Variants in UTRN observed in about 807,000 individuals in gnomAD.
UTRN encodes the protein dystrophin-related protein 1.
In UTRN, 283 loss-of-function variants were observed where a neutral mutation model predicts 463.9. That is an observed-to-expected ratio of 0.61 (90% confidence interval 0.55 to 0.67). The LOEUF (loss-of-function observed/expected upper bound fraction) is 0.67, where lower values mean the gene tolerates loss of function less well. Ranked by LOEUF, UTRN falls within the 30% of genes least tolerant of loss-of-function variation. The probability of loss-of-function intolerance (pLI) is 0.00; values close to 1 mark genes in which losing one functional copy is unlikely to be tolerated. For synonymous variants in UTRN, 1,442 were observed against 1,431.5 expected, an observed-to-expected ratio of 1.01 and a Z score of -0.17; for missense variants, 3,922 against 4,084.3, an observed-to-expected ratio of 0.96 and a Z score of 1.08.
chr6:144,808,365 A>T (rs1322676539), intron 65 of UTRN, among the ~76,000 whole-genome samples: 1 of 152,134 alleles, frequency 6.6e-6, no homozygotes, highest in Non-Finnish European at 1.5e-5. Flanking sequence ...TATATTAAAG[A>T]TGTTCAGATT....
intron 50 of UTRN, among the ~76,000 whole-genome samples, chr6:144,563,911 G>A (rs190919167): frequency 3.3e-5 from 5 of 152,138 alleles, no homozygotes; most frequent in South Asian, 2.1e-4. Flanking sequence ...TCAAGCATGC[G>A]GATATTTTCT....
At chr6:144,773,329 C>A (rs1392839017) in intron 59 of UTRN, among the ~76,000 whole-genome samples, 1 of 151,964 alleles carries the variant, frequency 6.6e-6, no homozygotes, top group Non-Finnish European at 1.5e-5. Context: ...GGGAAGATGC[C>A]CCTGGAGGAA....
At chr6:144,391,726 C>G (rs796427419) in intron 2 of UTRN, among the ~76,000 whole-genome samples, 73 of 152,326 alleles carry the variant, frequency 4.8e-4, no homozygotes, top group African/African-American at 1.6e-3. Context: ...ACTGCAAGCT[C>G]CGCCTCCGGG....
chr6:144,566,482 A>C (rs1194410544), intron 50 of UTRN, among the ~76,000 whole-genome samples: 1 of 152,138 alleles, frequency 6.6e-6, no homozygotes, highest in African/African-American at 2.4e-5. Context: ...GGAGCAGGGA[A>C]GAGTAAGATC....
chr6:144,410,844 A>C (rs568903244), intron 3 of UTRN, among the ~76,000 whole-genome samples: 3 of 151,480 alleles, frequency 2.0e-5, no homozygotes, highest in Non-Finnish European at 4.4e-5. Flanking sequence ...CAATTTCTTT[A>C]TTCACTCATT....
In UTRN at chr6:144,499,392, C is replaced by T; in HGVS notation, c.4729C>T (p.Leu1577Phe). The T allele has an allele frequency of 1.2e-6, 2 of 1,610,388 alleles. No individual in the cohort carries two copies. Among genetic ancestry groups the T allele is most frequent in the African/African-American group, 2.7e-5 (2 of 74,978 alleles). The change falls in exon 34 of 75, where the codon CTT (leucine) becomes TTT (phenylalanine). Residue 1577 changes from leucine to phenylalanine, a missense_variant. Leu to Phe is a conservative substitution (Grantham distance 22). Coordinates refer to ENST00000367545, the MANE Select transcript of UTRN (RefSeq NM_007124.3). ...LVQKSTSEGL[L>F]GDLDTEISWA... The stretch of plus-strand genomic sequence containing the variant: ...ACAGAAGTCCACTTCAGAAGGTCTG[C>T]TTGGTGACTTGGATACAGAAATTTC...
At chr6:144,292,706 C>G (rs1173074263) in intron 2 of UTRN, among the ~76,000 whole-genome samples, 2 of 152,174 alleles carry the variant, frequency 1.3e-5, no homozygotes, top group Non-Finnish European at 2.9e-5. Flanking sequence ...ACACAGAACT[C>G]CACCCTGAGT....
At chr6:144,664,471 CTTTTTT>C (rs11446896) in intron 51 of UTRN, among the ~76,000 whole-genome samples, 1 of 141,264 alleles carries the variant, frequency 7.1e-6, no homozygotes, top group African/African-American at 2.6e-5. Context: ...TGTTGTCTTA[CTTTTTT>C]TTTTTTTTTG....
intron 60 of UTRN, among the ~76,000 whole-genome samples, chr6:144,776,761 G>C (rs949660409): frequency 2.0e-5 from 3 of 152,062 alleles, no homozygotes; most frequent in African/African-American, 7.2e-5. Context: ...TCTTTGTATA[G>C]GTTGATGCAA....
intron 2 of UTRN, among the ~76,000 whole-genome samples, chr6:144,374,899 T>C (rs529859100): frequency 2.1e-4 from 32 of 149,940 alleles, no homozygotes; most frequent in South Asian, 2.1e-4. Context: ...TGAGCTGAGA[T>C]TGTGCCTCTG....
chr6:144,318,066 T>G (rs938919043), intron 2 of UTRN, among the ~76,000 whole-genome samples: 4 of 152,156 alleles, frequency 2.6e-5, no homozygotes, highest in Non-Finnish European at 5.9e-5. Context: ...TGTAGGATTT[T>G]TTTTTTAACA....
At chr6:144,778,315 A>G (rs1775514631) in intron 60 of UTRN, among the ~76,000 whole-genome samples, 1 of 152,094 alleles carries the variant, frequency 6.6e-6, no homozygotes, top group African/African-American at 2.4e-5. Flanking sequence ...ATGTTAGGAT[A>G]TTTCACGGTT....
At chr6:144,653,366 A>G (rs925535692) in intron 51 of UTRN, among the ~76,000 whole-genome samples, 6 of 152,148 alleles carry the variant, frequency 3.9e-5, no homozygotes, top group African/African-American at 1.4e-4. Context: ...CAAGTGGATC[A>G]CGAGGTCAGG....
intron 51 of UTRN, among the ~76,000 whole-genome samples, chr6:144,623,498 A>G (rs1775638492): frequency 1.3e-5 from 2 of 152,180 alleles, no homozygotes; most frequent in Non-Finnish European, 2.9e-5. Context: ...ATACATTGAA[A>G]TAGATCCCCT....
intron 51 of UTRN, among the ~76,000 whole-genome samples, chr6:144,584,718 T>C (rs1802292820): frequency 6.6e-6 from 1 of 151,932 alleles, no homozygotes; most frequent in Admixed American, 6.6e-5. Flanking sequence ...ATTCAGGTAG[T>C]GGGGTATTCT....
intron 16 of UTRN, 90 bp downstream of exon 16, chr6:144,447,871 C>CT: frequency 7.3e-7 from 1 of 1,370,052 alleles, no homozygotes; most frequent in Non-Finnish European, 9.7e-7. Flanking sequence ...ATGAAATAAA[C>CT]TAAAAAGTTG....
At chr6:144,553,949 G>C (rs1233571568) in intron 48 of UTRN, among the ~76,000 whole-genome samples, 1 of 150,418 alleles carries the variant, frequency 6.6e-6, no homozygotes, top group Non-Finnish European at 1.5e-5. Flanking sequence ...CCTTAGATCT[G>C]TCTGTCCTTA....
intron 2 of UTRN, among the ~76,000 whole-genome samples, chr6:144,350,016 C>A (rs990908732): frequency 1.3e-5 from 2 of 152,182 alleles, no homozygotes; most frequent in Admixed American, 1.3e-4. Flanking sequence ...TAGCCAGGTT[C>A]TACCATTGTG....
intron 2 of UTRN, among the ~76,000 whole-genome samples, chr6:144,358,334 A>G (rs1778754218): frequency 6.6e-6 from 1 of 152,244 alleles, no homozygotes; most frequent in South Asian, 2.1e-4. Flanking sequence ...ACACACATAC[A>G]TACACACACA....
Sources: allele counts gnomAD v4.1 joint callset (sites outside exome capture counted in the v4.1 genomes callset), GRCh38; gene constraint gnomAD v4.1.1; transcripts MANE v1.5; gene names NCBI Gene and HGNC (gene_info 2026-07-23, HGNC 2026-07-21).